INPP4B: variants seen among roughly 807,000 people sequenced by gnomAD.
INPP4B encodes inositol polyphosphate-4-phosphatase type II B, also known as inositol polyphosphate 4-phosphatase type II.
INPP4B carries 55 observed loss-of-function variants against 122.5 expected under a neutral mutation model. That is an observed-to-expected ratio of 0.45 (90% CI 0.36 to 0.56). The LOEUF is 0.56. Ranked by LOEUF, INPP4B falls within the 20% of genes least tolerant of loss-of-function variation. The pLI is 0.00. For missense variants in INPP4B, 1,000 were observed against 1,097.7 expected (o/e 0.91, Z 1.26); for synonymous variants, 403 against 388.7 (o/e 1.04, Z -0.43).
At chr4:142,329,097 T>C (rs1773515914) in intron 7 of INPP4B, among the ~76,000 whole-genome samples, 1 of 152,212 alleles carries the variant, frequency 6.6e-6, no homozygotes, top group Non-Finnish European at 1.5e-5. Flanking sequence ...GAATAATCAC[T>C]TTATGAACTA....
intron 25 of INPP4B, among the ~76,000 whole-genome samples, chr4:142,061,283 T>C (rs2645789): frequency 0.94 from 143,175 of 152,284 alleles, 67,963 homozygotes; most frequent in East Asian, 1. Flanking sequence ...AATCTGTCAG[T>C]GATGTTGTAA....
intron 12 of INPP4B, among the ~76,000 whole-genome samples, chr4:142,213,774 G>T (rs893114205): frequency 6.6e-6 from 1 of 152,100 alleles, no homozygotes; most frequent in Non-Finnish European, 1.5e-5. Flanking sequence ...CCAAGTAAAC[G>T]GTTTGCTGAT....
chr4:142,747,073 G>A (rs1247549832), intron 1 of INPP4B, among the ~76,000 whole-genome samples: 1 of 152,132 alleles, frequency 6.6e-6, no homozygotes, highest in Non-Finnish European at 1.5e-5. Flanking sequence ...ACTCTCATCA[G>A]AGTGAACAGG....
intron 7 of INPP4B, among the ~76,000 whole-genome samples, chr4:142,340,399 TTC>T (rs1579787939): frequency 5.8e-5 from 4 of 69,204 alleles, no homozygotes; most frequent in African/African-American, 1.5e-4. Flanking sequence ...ACGTACTTCT[TTC>T]TTTTTTTTCT....
At chr4:142,587,002 G>A (rs1337889829) in intron 2 of INPP4B, among the ~76,000 whole-genome samples, 1 of 152,128 alleles carries the variant, frequency 6.6e-6, no homozygotes, top group Non-Finnish European at 1.5e-5. Flanking sequence ...AGGCCAGAGA[G>A]CATATGGGAC....
At position 142,186,256 on chromosome 4, in the gene INPP4B, G is replaced by C. The variant is rs79509405; in HGVS notation, c.1181+6831C>G. 3.0e-3 allele frequency among the ~76,000 whole-genome samples: 454 copies of C among 152,268 alleles called. 2 individuals carry two copies. Among genetic ancestry groups the C allele is most frequent in the African/African-American group, 0.01 (420 of 41,534 alleles). Reference sequence around the variant, plus strand: ...TGCCAGGCACAGTTATAAATGCTTAGCATATATAAACTCATCAAATTTTGG... The same window carrying C: ...TGCCAGGCACAGTTATAAATGCTTACCATATATAAACTCATCAAATTTTGG... On this transcript the variant is annotated intron_variant, in intron 15 of 25. Coordinates refer to ENST00000262992, the MANE Select transcript of INPP4B (RefSeq NM_001101669.3).
intron 9 of INPP4B, among the ~76,000 whole-genome samples, chr4:142,298,619 G>A (rs1759874412): frequency 1.4e-5 from 2 of 142,904 alleles, no homozygotes; most frequent in Admixed American, 1.5e-4. Context: ...GGGATGCAGA[G>A]GTTGCACTGA....
At chr4:142,389,935 A>G (rs1797143987) in intron 7 of INPP4B, among the ~76,000 whole-genome samples, 1 of 152,224 alleles carries the variant, frequency 6.6e-6, no homozygotes, top group African/African-American at 2.4e-5. Flanking sequence ...AGTTTGAACA[A>G]GTTGTGAAAG....
intron 2 of INPP4B, among the ~76,000 whole-genome samples, chr4:142,616,187 G>A (rs530807666): frequency 6.6e-5 from 10 of 152,208 alleles, no homozygotes; most frequent in African/African-American, 1.9e-4. Context: ...TGCTGCCCTC[G>A]GAATGGATGA....
chr4:142,284,040 T>C (rs1404034044), intron 9 of INPP4B, among the ~76,000 whole-genome samples: 1 of 152,136 alleles, frequency 6.6e-6, no homozygotes, highest in Non-Finnish European at 1.5e-5. Flanking sequence ...AGAGGAACAC[T>C]GACAATTATC....
intron 2 of INPP4B, chr4:142,474,234 G>T (rs1262738949): frequency 6.6e-6 from 1 of 152,222 alleles, no homozygotes; most frequent in Non-Finnish European, 1.5e-5. Flanking sequence ...ACCTGCCAGA[G>T]CTTCCAGTCC....
intron 2 of INPP4B, chr4:142,514,280 C>G (rs538505163): frequency 1.3e-5 from 2 of 152,196 alleles, no homozygotes; most frequent in Non-Finnish European, 2.9e-5. Flanking sequence ...TCCATCTCGA[C>G]TTTAATTTAT....
chr4:142,224,713 T>A (rs2149751253), intron 12 of INPP4B, among the ~76,000 whole-genome samples: 1 of 152,254 alleles, frequency 6.6e-6, no homozygotes, highest in African/African-American at 2.4e-5. Context: ...TATTTATCAC[T>A]GTTCTAAAAT....
Position 142,725,906 on chromosome 4 carries a change from G to A in INPP4B, c.-253-5C>T, listed in dbSNP as rs990723910. The A allele has an allele frequency of 5.5e-5, 22 of 397,708 alleles. No individual in the cohort carries two copies. Among genetic ancestry groups the A allele is most frequent in the South Asian group, 1.3e-4 (1 of 7,846 alleles). 24.6% of individuals were successfully genotyped at this position (397,708 alleles called of 1,614,324 possible). A position where few individuals can be genotyped will look rare whatever the true frequency, so the allele number is the denominator to read the frequency against. On this transcript the variant is annotated splice_polypyrimidine_tract_variant and splice_region_variant and intron_variant, in intron 1 of 25. Transcript: ENST00000262992. Reference sequence around the variant, plus strand: ...GTAACACCATTTCTTTGTATTCTACGGGAAAAGAGAAAGAAGATTAATAAA... The same window carrying A: ...GTAACACCATTTCTTTGTATTCTACAGGAAAAGAGAAAGAAGATTAATAAA...
chr4:142,756,424 C>T (rs1393582417), intron 1 of INPP4B, among the ~76,000 whole-genome samples: 1 of 152,028 alleles, frequency 6.6e-6, no homozygotes, highest in African/African-American at 2.4e-5. Flanking sequence ...GATCCTAATA[C>T]TTGCACCCAA....
chr4:142,473,543 AG>A (rs1819266267), intron 2 of INPP4B: 1 of 152,604 alleles, frequency 6.6e-6, no homozygotes, highest in South Asian at 2.1e-4. Context: ...TCAAAGTGCA[AG>A]GGGAACTCTA....
chr4:142,095,370 A>C (rs1578880621), intron 23 of INPP4B, among the ~76,000 whole-genome samples: 1 of 152,236 alleles, frequency 6.6e-6, no homozygotes, highest in Non-Finnish European at 1.5e-5. Flanking sequence ...GGATCTAAAA[A>C]GTGAAATAAG....
intron 2 of INPP4B, among the ~76,000 whole-genome samples, chr4:142,664,511 G>A (rs1284196429): frequency 6.6e-6 from 1 of 151,766 alleles, no homozygotes. Context: ...ACATTAGAAT[G>A]CCAAAATCAG....
At chr4:142,536,142 G>C (rs1828167358) in intron 2 of INPP4B, among the ~76,000 whole-genome samples, 3 of 152,172 alleles carry the variant, frequency 2.0e-5, no homozygotes, top group Admixed American at 2.0e-4. Flanking sequence ...TAGGGGGTAA[G>C]TAAGATTGTT....
Sources: allele counts gnomAD v4.1 joint callset (sites outside exome capture counted in the v4.1 genomes callset), GRCh38; gene constraint gnomAD v4.1.1; transcripts MANE v1.5; gene names NCBI Gene and HGNC (gene_info 2026-07-23, HGNC 2026-07-21).